Variants in EYS observed in about 807,000 individuals in gnomAD.
EYS encodes EGF-like photoreceptor maintenance factor.
Under a neutral mutation model 282.1 loss-of-function variants are expected in EYS, and 250 were observed. That is an observed-to-expected ratio of 0.89 (90% CI 0.80 to 0.98). The LOEUF is 0.98. Ranked by LOEUF, EYS falls within the 50% of genes least tolerant of loss-of-function variation. The pLI, the probability that EYS is intolerant of heterozygous loss-of-function variation, is 0.00. For synonymous variants in EYS, 1,355 were observed against 1,282.9 expected (o/e 1.06, Z -1.20); for missense variants, 4,016 against 3,709.0 (o/e 1.08, Z -2.15).
intron 26 of EYS, among the ~76,000 whole-genome samples, chr6:64,568,840 G>C (rs571604809): frequency 6.6e-6 from 1 of 152,030 alleles, no homozygotes; most frequent in South Asian, 2.1e-4. Context: ...AGGCGAAGAG[G>C]GTCTGGAGTG....
intron 28 of EYS, among the ~76,000 whole-genome samples, chr6:64,410,190 T>C (rs553208652): frequency 6.6e-6 from 1 of 152,272 alleles, no homozygotes; most frequent in South Asian, 2.1e-4. Context: ...GGGTCCTGGC[T>C]AACATTTTAT....
intron 12 of EYS, among the ~76,000 whole-genome samples, chr6:65,203,362 C>T (rs1489338490): frequency 1.3e-5 from 2 of 152,154 alleles, no homozygotes; most frequent in Admixed American, 1.3e-4. Flanking sequence ...CTGTACCTCA[C>T]CATCTCTGTA....
Position 64,159,908 on chromosome 6 carries a change from C to G in EYS, c.6424+70684G>C, listed in dbSNP as rs145993648. Among the ~76,000 whole-genome samples, 705 of 151,984 alleles carry G rather than the reference C, an allele frequency of 4.6e-3. 5 individuals are homozygous for G. Among genetic ancestry groups the G allele is most frequent in the African/African-American group, 0.016 (674 of 41,442 alleles). On this transcript the variant is annotated intron_variant, in intron 31 of 42. Coordinates refer to ENST00000503581, the MANE Select transcript of EYS (RefSeq NM_001142800.2). ...ATGCTTGTTACAGGTTTCCTTTGTT[C>G]GGAATAATAACTTTTTTTGGTATTA...
At chr6:64,815,555 A>C (rs1041663759) in intron 21 of EYS, among the ~76,000 whole-genome samples, 3 of 152,116 alleles carry the variant, frequency 2.0e-5, no homozygotes, top group Non-Finnish European at 4.4e-5. Flanking sequence ...TCAAATTGTC[A>C]TTTAAAGTTC....
chr6:65,182,914 A>C (rs536716921), intron 12 of EYS, among the ~76,000 whole-genome samples: 1 of 151,790 alleles, frequency 6.6e-6, no homozygotes, highest in East Asian at 2.0e-4. Flanking sequence ...CCAGCCTCTT[A>C]AGTAGCTGGG....
chr6:64,336,786 A>C (rs1040667366), intron 29 of EYS, among the ~76,000 whole-genome samples: 1 of 152,148 alleles, frequency 6.6e-6, no homozygotes, highest in African/African-American at 2.4e-5. Context: ...CTCTCAGATC[A>C]CAGTGGAATA....
intron 13 of EYS, among the ~76,000 whole-genome samples, chr6:65,005,327 C>A (rs962240609): frequency 6.8e-6 from 1 of 147,758 alleles, no homozygotes; most frequent in African/African-American, 2.4e-5. Context: ...TCTTCCATGA[C>A]CCACGGCTTC....
intron 12 of EYS, among the ~76,000 whole-genome samples, chr6:65,255,488 C>T (rs1363034304): frequency 6.6e-6 from 1 of 151,922 alleles, no homozygotes; most frequent in Non-Finnish European, 1.5e-5. Context: ...TAAGCCCAGG[C>T]AACCAAAGCA....
chr6:64,459,038 G>C (rs907762637), intron 26 of EYS, among the ~76,000 whole-genome samples: 2 of 152,166 alleles, frequency 1.3e-5, no homozygotes, highest in Admixed American at 6.6e-5. Context: ...TAGTATTAGT[G>C]AATGTATAAA....
chr6:63,731,823 A>C (rs116628550), intron 41 of EYS, among the ~76,000 whole-genome samples: 1,805 of 152,208 alleles, frequency 0.012, 29 homozygotes, highest in African/African-American at 0.042. Context: ...TACAAGTAAT[A>C]TTTTCCCTCT....
At chr6:64,031,989 G>C (rs571000159) in intron 33 of EYS, among the ~76,000 whole-genome samples, 4 of 152,066 alleles carry the variant, frequency 2.6e-5, no homozygotes, top group Admixed American at 2.6e-4. Flanking sequence ...TCTTGCTGCT[G>C]CTCTCTCTTT....
chr6:64,890,896 T>TTTTGAAGTAGAAGCAAAAC (rs1767270802), intron 18 of EYS, among the ~76,000 whole-genome samples: 1 of 152,148 alleles, frequency 6.6e-6, no homozygotes, highest in Admixed American at 6.6e-5. Context: ...CAATAACCTC[T>TTTTGAAGTAGAAGCAAAAC]CTTTCCTTTT....
chr6:64,498,638 A>T (rs546918070), intron 26 of EYS, among the ~76,000 whole-genome samples: 1 of 147,866 alleles, frequency 6.8e-6, no homozygotes, highest in African/African-American at 2.5e-5. Flanking sequence ...CCCACCCACC[A>T]ACAGGCCCTG....
chr6:63,988,411 A>G (rs1767464346), intron 34 of EYS, among the ~76,000 whole-genome samples: 1 of 151,598 alleles, frequency 6.6e-6, no homozygotes, highest in Admixed American at 6.6e-5. Context: ...TCAATGATTT[A>G]TTAGACCATT....
chr6:65,081,855 T>C lies in EYS; in HGVS notation c.2024-24128A>G, dbSNP rs562746388. 6.6e-5 allele frequency among the ~76,000 whole-genome samples: 10 copies of C among 152,202 alleles called. No homozygotes were observed. In the East Asian group the frequency reaches 1.9e-3, roughly 29 times the overall value. ...TTCAATTTGACATTTTGTGCTCTTC[T>C]AAATGTATCCTAATGCATGGTCATG... On this transcript the variant is annotated intron_variant, in intron 12 of 42. Transcript: ENST00000503581.
At chr6:64,903,676 T>C (rs1387809635) in intron 16 of EYS, among the ~76,000 whole-genome samples, 1 of 152,150 alleles carries the variant, frequency 6.6e-6, no homozygotes, top group Non-Finnish European at 1.5e-5. Flanking sequence ...GCACCTACTG[T>C]TCAATGAAAA....
intron 29 of EYS, among the ~76,000 whole-genome samples, chr6:64,318,052 T>G (rs528994670): frequency 1.3e-5 from 2 of 151,898 alleles, no homozygotes; most frequent in Non-Finnish European, 2.9e-5. Flanking sequence ...CGGGGAGGAA[T>G]AGCATTGGGA....
At chr6:64,202,795 T>C (rs2150323170) in intron 31 of EYS, among the ~76,000 whole-genome samples, 1 of 152,270 alleles carries the variant, frequency 6.6e-6, no homozygotes, top group Admixed American at 6.5e-5. Flanking sequence ...AAGGGTGATG[T>C]GAAGATGAAG....
chr6:64,724,609 C>G (rs1439611528), intron 22 of EYS, among the ~76,000 whole-genome samples: 1 of 152,072 alleles, frequency 6.6e-6, no homozygotes, highest in African/African-American at 2.4e-5. Flanking sequence ...ATTTCACATG[C>G]TAACACAAAG....
Sources: gnomAD v4.1 joint callset for allele counts (sites outside exome capture counted in the v4.1 genomes callset) on GRCh38, gnomAD v4.1.1 for gene constraint, MANE v1.5 for transcripts, NCBI Gene and HGNC (gene_info 2026-07-23, HGNC 2026-07-21) for gene names.